The following TMEM200A variants were observed in gnomAD, a reference collection of about 807,000 sequenced individuals.
TMEM200A encodes transmembrane protein 200A.
TMEM200A carries 12 observed loss-of-function variants against 24.3 expected under a neutral mutation model. That is an observed-to-expected ratio of 0.49 (90% confidence interval 0.32 to 0.80). The LOEUF is 0.80. Ranked by LOEUF, TMEM200A falls within the 30% of genes least tolerant of loss-of-function variation. The pLI, the probability that TMEM200A is intolerant of heterozygous loss-of-function variation, is 0.04. For synonymous variants in TMEM200A, 224 were observed against 224.4 expected, an observed-to-expected ratio of 1.00 and a Z score of 0.02; for missense variants, 545 against 614.4, an observed-to-expected ratio of 0.89 and a Z score of 1.19.
chr6:130,390,757 G>T (rs1313456468), intron 2 of TMEM200A, among the ~76,000 whole-genome samples: 8 of 152,190 alleles, frequency 5.3e-5, no homozygotes, highest in Admixed American at 3.9e-4. Flanking sequence ...TTGGCAAATT[G>T]CTCCTTCTAA....
At chr6:130,400,072 ATATATG>A (rs999499593) in intron 2 of TMEM200A, among the ~76,000 whole-genome samples, 10 of 151,946 alleles carry the variant, frequency 6.6e-5, no homozygotes, top group African/African-American at 9.7e-5. Context: ...ACACACACAT[ATATATG>A]TATATGTACA....
At chr6:130,428,073 T>C (rs376028349) in intron 2 of TMEM200A, among the ~76,000 whole-genome samples, 17 of 152,292 alleles carry the variant, frequency 1.1e-4, no homozygotes, top group South Asian at 1.0e-3. Context: ...ATCTTAGGCG[T>C]CCCTTGAACT....
At chr6:130,418,281 T>C (rs1475328472) in intron 2 of TMEM200A, among the ~76,000 whole-genome samples, 1 of 152,166 alleles carries the variant, frequency 6.6e-6, no homozygotes, top group East Asian at 1.9e-4. Flanking sequence ...AATCAAATGA[T>C]GTTTAATATT....
At chr6:130,388,063 G>C (rs1778750860) in intron 2 of TMEM200A, among the ~76,000 whole-genome samples, 1 of 152,118 alleles carries the variant, frequency 6.6e-6, no homozygotes. Context: ...GGAAAGGGGA[G>C]AATAACAGTT....
At chr6:130,380,140 C>G (rs1027388389) in intron 1 of TMEM200A, among the ~76,000 whole-genome samples, 5 of 152,122 alleles carry the variant, frequency 3.3e-5, no homozygotes, top group Non-Finnish European at 5.9e-5. Flanking sequence ...TTAAAAGTTA[C>G]TGAAAATCTT....
Position 130,427,536 on chromosome 6 carries a change from G to A in TMEM200A, c.-16-12871G>A, listed in dbSNP as rs559803306. 6.9e-5 allele frequency among the ~76,000 whole-genome samples: 7 copies of A among 101,832 alleles called. No individual in the cohort carries two copies. In the South Asian group the frequency reaches 1.9e-3, roughly 28 times the overall value. The allele number at this position is 101,832 out of a possible 152,430, so 66.8% of individuals were successfully genotyped here. A position where few individuals can be genotyped will look rare whatever the true frequency, so the allele number is the denominator to read the frequency against. Reference sequence around the variant, plus strand: ...TCATGTATTCTTGGGCAAATCTTTTGAAAGAATTCATAGAAGGGAAATTGG... The same window carrying A: ...TCATGTATTCTTGGGCAAATCTTTTAAAAGAATTCATAGAAGGGAAATTGG... On this transcript the variant is annotated intron_variant, in intron 2 of 2. Transcript: ENST00000296978.
At chr6:130,365,835 T>C (rs1778122240), upstream of TMEM200A, 2 of 985,462 alleles carry the variant, frequency 2.0e-6, no homozygotes, top group Admixed American at 6.1e-5. Context: ...GCAGATCCTG[T>C]CTGCGTCCTC....
chr6:130,367,412 C>G (rs1015807020), intron 1 of TMEM200A, among the ~76,000 whole-genome samples: 1 of 152,170 alleles, frequency 6.6e-6, no homozygotes, highest in Non-Finnish European at 1.5e-5. Context: ...GAATATTGAA[C>G]TCTCGGTTTT....
chr6:130,365,631 T>C (rs1778116512), upstream of TMEM200A: 1 of 985,430 alleles, frequency 1.0e-6, no homozygotes, highest in Non-Finnish European at 1.2e-6. Context: ...CGGTAACCGG[T>C]GGTCCCGCGG....
intron 2 of TMEM200A, among the ~76,000 whole-genome samples, chr6:130,419,133 A>G (rs1378194993): frequency 6.6e-6 from 1 of 152,014 alleles, no homozygotes; most frequent in African/African-American, 2.4e-5. Flanking sequence ...GTGAGATCCA[A>G]TTTTTTAGCT....
At chr6:130,402,807 T>C in intron 2 of TMEM200A, among the ~76,000 whole-genome samples, 1 of 152,134 alleles carries the variant, frequency 6.6e-6, no homozygotes, top group East Asian at 1.9e-4. Flanking sequence ...GAAATATCCC[T>C]AACCTCTATT....
intron 1 of TMEM200A, chr6:130,381,763 C>G (rs1778603480): frequency 4.6e-6 from 1 of 218,536 alleles, no homozygotes; most frequent in South Asian, 1.6e-4. Context: ...TATGGAAAGA[C>G]CATGTCATTT....
chr6:130,422,951 A>G (rs1779637568), intron 2 of TMEM200A, among the ~76,000 whole-genome samples: 1 of 152,218 alleles, frequency 6.6e-6, no homozygotes, highest in Non-Finnish European at 1.5e-5. Flanking sequence ...ATGGAATTTT[A>G]TCATTTAGTT....
chr6:130,382,999 C>A (rs984860087), intron 1 of TMEM200A: 1 of 984,516 alleles, frequency 1.0e-6, no homozygotes, highest in African/African-American at 1.7e-5. Flanking sequence ...ACCATCTCAC[C>A]CAAGGGGCTG....
rs75243381 is a variant in TMEM200A, at chr6:130,423,595, A to T, written c.-16-16812A>T. Among the ~76,000 whole-genome samples, 1,103 of 152,300 alleles carry T rather than the reference A, an allele frequency of 7.2e-3. 13 individuals carry two copies. Among genetic ancestry groups the T allele is most frequent in the African/African-American group, 0.023 (968 of 41,580 alleles). On this transcript the variant is annotated intron_variant, in intron 2 of 2. Transcript: ENST00000296978. Reference sequence around the variant, plus strand: ...CCTTTTGTTAATATTTCCATGTGATACTTTAGGAAGAAAATGAAATTTTAA... The same window carrying T: ...CCTTTTGTTAATATTTCCATGTGATTCTTTAGGAAGAAAATGAAATTTTAA...
intron 2 of TMEM200A, among the ~76,000 whole-genome samples, chr6:130,428,042 T>C (rs1398733405): frequency 1.3e-5 from 2 of 152,178 alleles, no homozygotes; most frequent in African/African-American, 4.8e-5. Flanking sequence ...TTTACAAACA[T>C]GGTTTTATCC....
chr6:130,419,382 G>C (rs1243118510), intron 2 of TMEM200A, among the ~76,000 whole-genome samples: 3 of 152,078 alleles, frequency 2.0e-5, no homozygotes, highest in Non-Finnish European at 2.9e-5. Flanking sequence ...AATAAACATG[G>C]GAGTACAGGC....
chr6:130,408,922 T>G (rs1779270286), intron 2 of TMEM200A, among the ~76,000 whole-genome samples: 1 of 152,076 alleles, frequency 6.6e-6, no homozygotes, highest in African/African-American at 2.4e-5. Context: ...CACTGCAGCA[T>G]TCACACAGGA....
chr6:130,365,951 G>GC (rs1189942678), upstream of TMEM200A: 1 of 975,220 alleles, frequency 1.0e-6, no homozygotes, highest in African/African-American at 2.0e-5. Flanking sequence ...CTGGAAGTCC[G>GC]CCCCGGCCCC....
Sources: gnomAD v4.1 joint callset for allele counts (sites outside exome capture counted in the v4.1 genomes callset) on GRCh38, gnomAD v4.1.1 for gene constraint, MANE v1.5 for transcripts, NCBI Gene and HGNC (gene_info 2026-07-23, HGNC 2026-07-21) for gene names.